PKN2: variants seen among roughly 807,000 people sequenced by gnomAD.
PKN2 encodes protein kinase N2.
In PKN2, 38 loss-of-function variants were observed where a neutral mutation model predicts 119.1. The observed-to-expected ratio is 0.32, with a 90% CI of 0.25 to 0.42. PKN2 has a LOEUF of 0.42. PKN2 is among the 10% of genes least tolerant of loss of function. The pLI is 1.00. For missense variants in PKN2, 850 were observed against 1,165.1 expected, an observed-to-expected ratio of 0.73 and a Z score of 3.94; for synonymous variants, 390 against 384.9, an observed-to-expected ratio of 1.01 and a Z score of -0.15.
chr1:88,724,850 G>T (rs1476226020), intron 1 of PKN2, among the ~76,000 whole-genome samples: 2 of 148,270 alleles, frequency 1.3e-5, no homozygotes, highest in African/African-American at 5.0e-5. Context: ...GGGATTACAG[G>T]TGTGAGCCAC....
rs759229866 is a variant in PKN2, at chr1:88,835,477, AGTC to A, written c.*2030_*2032del. The A allele has an allele frequency of 2.3e-3, 351 of 152,486 alleles. No homozygotes were observed. Among genetic ancestry groups the A allele is most frequent in the Non-Finnish European group, 3.4e-3 (234 of 67,916 alleles). 9.4% of individuals were successfully genotyped at this position (152,486 alleles called of 1,614,324 possible). On this transcript the variant is annotated 3_prime_UTR_variant, in exon 22 of 22. Transcript: ENST00000370521. ...GTGTACAGAATTTTTTTTTAATTGA[AGTC>A]AATCACTAAAAAAATTAGAAGGCAG...
At chr1:88,688,085 AT>A (rs1666177519) in intron 1 of PKN2, among the ~76,000 whole-genome samples, 1 of 21,996 alleles carries the variant, frequency 4.5e-5, no homozygotes, top group South Asian at 3.6e-3. Flanking sequence ...CCACTACACT[AT>A]TCTTTTTTTT....
rs1463313642 is a variant in PKN2, at chr1:88,834,243, A to T, written c.*795A>T. On this transcript the variant is annotated 3_prime_UTR_variant, in exon 22 of 22. Coordinates refer to ENST00000370521, the MANE Select transcript of PKN2 (RefSeq NM_006256.4). ...ACCTGTATGCATTCCCAAAGTCTAGATGCTCAGTATGTTCAGTCATATCTT... is the reference window on the plus strand; with the variant it reads ...ACCTGTATGCATTCCCAAAGTCTAGTTGCTCAGTATGTTCAGTCATATCTT... 6.6e-6 allele frequency: 1 copy of T among 152,034 alleles called. No homozygotes were observed. Among genetic ancestry groups the T allele is most frequent in the Non-Finnish European group, 1.5e-5 (1 of 67,950 alleles). 9.4% of individuals were successfully genotyped at this position (152,034 alleles called of 1,614,324 possible).
chr1:88,814,352 A>G (rs1380078958), intron 16 of PKN2, among the ~76,000 whole-genome samples: 12 of 152,194 alleles, frequency 7.9e-5, no homozygotes. Flanking sequence ...TTGAAATTAT[A>G]TATGCATGTG....
chr1:88,771,417 C>G lies in PKN2; in HGVS notation c.623-4C>G. On this transcript the variant is annotated splice_polypyrimidine_tract_variant and splice_region_variant and intron_variant, in intron 4 of 21. Transcript: ENST00000370521. ...TGCAATTAAAATTTTTTTTTCCTTT[C>G]TAGCAAAACCTGTGATAAGTCCTCT... is the stretch of plus-strand genomic sequence containing the variant. 6.4e-7 allele frequency: 1 copy of G among 1,568,138 alleles called. No homozygotes were observed. The highest frequency in any genetic ancestry group is 8.6e-7 in the Non-Finnish European group (1 of 1,165,520).
chr1:88,704,146 T>G (rs1464547349), intron 1 of PKN2, among the ~76,000 whole-genome samples: 1 of 152,224 alleles, frequency 6.6e-6, no homozygotes, highest in African/African-American at 2.4e-5. Context: ...AATCTCCTCC[T>G]GTCATTATTC....
chr1:88,700,870 T>C (rs1666744025), intron 1 of PKN2, among the ~76,000 whole-genome samples: 1 of 152,248 alleles, frequency 6.6e-6, no homozygotes, highest in Admixed American at 6.5e-5. Context: ...GTCTAATGTC[T>C]GAAAATCTTC....
intron 2 of PKN2, among the ~76,000 whole-genome samples, chr1:88,749,359 C>T (rs548867226): frequency 1.4e-5 from 2 of 147,032 alleles, no homozygotes; most frequent in South Asian, 2.2e-4. Flanking sequence ...GAGCCGAGAT[C>T]GAGCCATTGC....
At chr1:88,793,971 T>TA (rs1433155165) in intron 8 of PKN2, among the ~76,000 whole-genome samples, 1 of 152,194 alleles carries the variant, frequency 6.6e-6, no homozygotes, top group Non-Finnish European at 1.5e-5. Flanking sequence ...AAACAACCCA[T>TA]ATAATATACC....
intron 1 of PKN2, among the ~76,000 whole-genome samples, chr1:88,721,042 G>A (rs1667656496): frequency 1.3e-5 from 2 of 152,162 alleles, no homozygotes; most frequent in Non-Finnish European, 1.5e-5. Flanking sequence ...CATTTGGGCT[G>A]GTTCTGTATT....
chr1:88,741,423 A>G, intron 2 of PKN2, 135 bp downstream of exon 2: 1 of 556,222 alleles, frequency 1.8e-6, no homozygotes, highest in Non-Finnish European at 3.0e-6. Context: ...TCTTTTGGTT[A>G]AGGTCTTATT....
intron 1 of PKN2, among the ~76,000 whole-genome samples, chr1:88,694,299 T>A (rs975856024): frequency 1.3e-5 from 2 of 152,228 alleles, no homozygotes; most frequent in African/African-American, 4.8e-5. Flanking sequence ...CTCCATCCCC[T>A]GGCAACCACT....
intron 1 of PKN2, among the ~76,000 whole-genome samples, chr1:88,706,985 A>C (rs530009121): frequency 1.5e-4 from 23 of 151,932 alleles, no homozygotes; most frequent in African/African-American, 5.3e-4. Context: ...TTTGGGAACC[A>C]TTGTTTTATA....
intron 1 of PKN2, among the ~76,000 whole-genome samples, chr1:88,740,487 TTTTA>T (rs769669045): frequency 6.6e-6 from 1 of 152,122 alleles, no homozygotes; most frequent in African/African-American, 2.4e-5. Flanking sequence ...TAATAATACT[TTTTA>T]TTTATTAAGT....
chr1:88,800,899 G>A (rs1226988245), intron 8 of PKN2, among the ~76,000 whole-genome samples: 6 of 152,158 alleles, frequency 3.9e-5, no homozygotes, highest in Non-Finnish European at 8.8e-5. Context: ...AAGACAAACT[G>A]AAACACAAGT....
At chr1:88,708,923 G>A (rs1667110914) in intron 1 of PKN2, among the ~76,000 whole-genome samples, 1 of 151,532 alleles carries the variant, frequency 6.6e-6, no homozygotes, top group African/African-American at 2.4e-5. Context: ...TGGTTAGTAT[G>A]ATTCTTTTTT....
intron 1 of PKN2, among the ~76,000 whole-genome samples, chr1:88,740,530 G>A (rs1328072703): frequency 6.6e-6 from 1 of 151,972 alleles, no homozygotes; most frequent in Non-Finnish European, 1.5e-5. Flanking sequence ...CTTGTATTTA[G>A]AACTTCATTT....
intron 1 of PKN2, among the ~76,000 whole-genome samples, chr1:88,728,016 CTTTT>C (rs34460979): frequency 3.8e-5 from 5 of 130,784 alleles, no homozygotes; most frequent in African/African-American, 1.1e-4. Context: ...TTTCTTGGGG[CTTTT>C]TTTTTTTTTT....
At chr1:88,731,876 G>C (rs1483998620) in intron 1 of PKN2, among the ~76,000 whole-genome samples, 1 of 152,144 alleles carries the variant, frequency 6.6e-6, no homozygotes, top group South Asian at 2.1e-4. Context: ...TCTTATTTCA[G>C]TGTTTTTCTT....
Sources: gnomAD v4.1 joint callset for allele counts (sites outside exome capture counted in the v4.1 genomes callset) on GRCh38, gnomAD v4.1.1 for gene constraint, MANE v1.5 for transcripts, NCBI Gene and HGNC (gene_info 2026-07-23, HGNC 2026-07-21) for gene names.